Variants in NBDY observed in about 807,000 individuals in gnomAD.
The protein encoded by NBDY is negative regulator of P-body association.
At chrX:56,788,210 T>G (rs1274021704) in intron 2 of NBDY, among the ~76,000 whole-genome samples, 1 of 112,636 alleles carries the variant, frequency 8.9e-6, no homozygotes, top group Non-Finnish European at 1.9e-5. Context: ...GCTTGTTCCT[T>G]TCTCTTCTCC....
At chrX:56,787,276 AAC>A (rs1330082662) in intron 2 of NBDY, among the ~76,000 whole-genome samples, 1 of 110,225 alleles carries the variant, frequency 9.1e-6, no homozygotes, top group Non-Finnish European at 1.9e-5. Context: ...CACAGACACA[AAC>A]ACACACGTTA....
intron 2 of NBDY, among the ~76,000 whole-genome samples, chrX:56,792,929 G>A (rs763133091): frequency 7.2e-5 from 8 of 111,739 alleles, no homozygotes; most frequent in African/African-American, 1.3e-4. Context: ...CCAGGGTAGG[G>A]GCAGAGAAAG....
chrX:56,757,617 G>A (rs1049148264), intron 2 of NBDY, among the ~76,000 whole-genome samples: 1 of 111,314 alleles, frequency 9.0e-6, no homozygotes, highest in African/African-American at 3.3e-5. Context: ...AAAGTAGGAG[G>A]ATTCTCTGCT....
chrX:56,786,117 C>CT (rs1220309421), intron 2 of NBDY, among the ~76,000 whole-genome samples: 3 of 109,553 alleles, frequency 2.7e-5, no homozygotes, highest in Admixed American at 9.7e-5. Context: ...TGTTTATTAT[C>CT]TTTTTTTTTG....
chrX:56,730,809 T>A (rs1382194184), intron 1 of NBDY, among the ~76,000 whole-genome samples: 2 of 111,799 alleles, frequency 1.8e-5, no homozygotes, highest in East Asian at 5.6e-4. Context: ...ATTCTTACTA[T>A]CAGAAAAGGA....
chrX:56,738,784 A>G (rs1055635978), intron 2 of NBDY, among the ~76,000 whole-genome samples: 9 of 111,453 alleles, frequency 8.1e-5, no homozygotes, highest in Admixed American at 5.7e-4. Context: ...ATCCTCCACA[A>G]ATTCAGCTGT....
intron 2 of NBDY, among the ~76,000 whole-genome samples, chrX:56,749,877 C>T (rs1355670704): frequency 9.0e-6 from 1 of 111,081 alleles, no homozygotes; most frequent in African/African-American, 3.3e-5. Context: ...GTCTCAAACT[C>T]CTGAGCTTAA....
chrX:56,781,550 C>CTGCTT (rs1163341957), intron 2 of NBDY, among the ~76,000 whole-genome samples: 14 of 112,273 alleles, frequency 1.2e-4, no homozygotes, highest in African/African-American at 4.2e-4. Context: ...ATGATGAACT[C>CTGCTT]TGCTTTCCAG....
chrX:56,802,296 T>C (rs1317882), intron 2 of NBDY, among the ~76,000 whole-genome samples: 62,665 of 110,973 alleles, frequency 0.56, 15,485 homozygotes, highest in Non-Finnish European at 0.77. Flanking sequence ...TGGGTCAACC[T>C]GCTTAAAAAG....
At chrX:56,765,149 G>A (rs1347305614) in intron 2 of NBDY, among the ~76,000 whole-genome samples, 1 of 111,998 alleles carries the variant, frequency 8.9e-6, no homozygotes, top group African/African-American at 3.2e-5. Context: ...ACACCGTTAG[G>A]GAAAACAGGC....
chrX:56,733,445 C>G (rs2069470253), intron 2 of NBDY, among the ~76,000 whole-genome samples: 1 of 110,936 alleles, frequency 9.0e-6, no homozygotes, highest in Non-Finnish European at 1.9e-5. Context: ...AACTAAATAA[C>G]TCATAATTCA....
intron 2 of NBDY, among the ~76,000 whole-genome samples, chrX:56,784,297 C>A (rs1320005023): frequency 8.9e-6 from 1 of 111,772 alleles, no homozygotes; most frequent in Non-Finnish European, 1.9e-5. Flanking sequence ...ATTGTTGACC[C>A]ATGGAGCAGC....
chrX:56,787,460 G>T (rs994395163), intron 2 of NBDY, among the ~76,000 whole-genome samples: 2 of 111,173 alleles, frequency 1.8e-5, no homozygotes, highest in Non-Finnish European at 3.8e-5. Flanking sequence ...GGGGAACGGG[G>T]GACAAACAAG....
rs181143131 is a variant in NBDY at position 56,762,049 on chromosome X, G to C, written c.*166+29850G>C. Among the ~76,000 whole-genome samples the C allele has an allele frequency of 1.5e-3, 170 of 110,795 alleles. 1 individual carries two copies. Among genetic ancestry groups the C allele is most frequent in the Admixed American group, 0.015 (158 of 10,513 alleles). On this transcript the variant is annotated intron_variant, in intron 2 of 2. Coordinates refer to ENST00000374922, the MANE Select transcript of NBDY (RefSeq NM_001348129.2). Reference sequence around the variant, plus strand: ...GACCTATTTGTGGATCAAAGCTTTTGATCCGACTCACAAGGGATCCCATCA... The same window carrying C: ...GACCTATTTGTGGATCAAAGCTTTTCATCCGACTCACAAGGGATCCCATCA...
At chrX:56,743,621 T>C (rs908082116) in intron 2 of NBDY, among the ~76,000 whole-genome samples, 2 of 111,472 alleles carry the variant, frequency 1.8e-5, no homozygotes, top group African/African-American at 6.5e-5. Context: ...GTATCAGTTG[T>C]AATGTGTCCT....
At chrX:56,759,654 T>TG (rs933521178) in intron 2 of NBDY, among the ~76,000 whole-genome samples, 9 of 111,616 alleles carry the variant, frequency 8.1e-5, no homozygotes, top group Non-Finnish European at 1.3e-4. Context: ...GCACCAGTGC[T>TG]GGGGAAAGCC....
At chrX:56,763,739 G>A (rs1176596540) in intron 2 of NBDY, among the ~76,000 whole-genome samples, 5 of 112,794 alleles carry the variant, frequency 4.4e-5, no homozygotes, top group Admixed American at 9.3e-5. Context: ...CCAGCCTACT[G>A]GTCCTGGTCC....
intron 2 of NBDY, among the ~76,000 whole-genome samples, chrX:56,801,977 GACACACACACAC>G (rs5902560): frequency 0.026 from 2,561 of 99,226 alleles, 28 homozygotes; most frequent in South Asian, 0.035. Flanking sequence ...CAAACTCATA[GACACACACACAC>G]ACACACACAC....
At chrX:56,791,383 C>T (rs1251643601) in intron 2 of NBDY, among the ~76,000 whole-genome samples, 1 of 111,939 alleles carries the variant, frequency 8.9e-6, no homozygotes, top group Admixed American at 9.4e-5. Context: ...TACCTCTTTT[C>T]CCTGGTGTCC....
Sources: allele counts gnomAD v4.1 joint callset (sites outside exome capture counted in the v4.1 genomes callset), GRCh38; gene constraint gnomAD v4.1.1; transcripts MANE v1.5; gene names NCBI Gene and HGNC (gene_info 2026-07-23, HGNC 2026-07-21).